MGST3: variants seen among roughly 807,000 people sequenced by gnomAD.
MGST3 encodes the protein glutathione S-transferase 3, mitochondrial.
In MGST3, 13 loss-of-function variants were observed where a neutral mutation model predicts 15.8. The ratio of observed to expected loss-of-function variants is 0.82; its 90% CI spans 0.54 to 1.31. The LOEUF is 1.31. MGST3 is among the 50% of genes most tolerant of loss of function. The pLI, the probability that MGST3 is intolerant of heterozygous loss-of-function variation, is 0.00. For synonymous variants in MGST3, 49 were observed against 68.1 expected, an observed-to-expected ratio of 0.72 and a Z score of 1.38; for missense variants, 155 against 192.4, an observed-to-expected ratio of 0.81 and a Z score of 1.15.
intron 1 of MGST3, among the ~76,000 whole-genome samples, chr1:165,633,120 A>G (rs1647999133): frequency 6.6e-6 from 1 of 152,218 alleles, no homozygotes; most frequent in Non-Finnish European, 1.5e-5. Flanking sequence ...TCAATTTATT[A>G]ATGCTACTGT....
intron 1 of MGST3, chr1:165,646,871 G>C (rs1325854888): frequency 6.6e-6 from 1 of 152,398 alleles, no homozygotes; most frequent in Admixed American, 6.5e-5. Context: ...GAGGTATCAG[G>C]GAGGGCTGTT....
In MGST3 at chr1:165,654,238, G is replaced by C. The variant is rs373163410; in HGVS notation, c.250-41G>C. 819 of 1,594,668 alleles carry C rather than the reference G, an allele frequency of 5.1e-4. 2 individuals are homozygous for C. The highest frequency in any genetic ancestry group is 6.3e-4 in the South Asian group (57 of 90,686). ...CCTAGGTGTTAAAAAAGGTTTGCTT[G>C]TTTCTTTCATGCAAATACTAATGTA... On this transcript the variant is annotated intron_variant, in intron 4 of 5. Coordinates refer to ENST00000367889, the MANE Select transcript of MGST3 (RefSeq NM_004528.4).
At chr1:165,632,329 T>C (rs9333379) in intron 1 of MGST3, 173,574 of 1,592,372 alleles carry the variant, frequency 0.11, 11,256 homozygotes, top group African/African-American at 0.28. Context: ...GATTTTAGAT[T>C]GCTGGTGGGT....
intron 1 of MGST3, chr1:165,646,963 T>G (rs1648421998): frequency 6.6e-6 from 1 of 152,216 alleles, no homozygotes. Context: ...CGGGGGACCC[T>G]CAGGGAGAAC....
intron 5 of MGST3, among the ~76,000 whole-genome samples, chr1:165,654,697 AAAT>A (rs1648661294): frequency 6.6e-6 from 1 of 152,212 alleles, no homozygotes; most frequent in Non-Finnish European, 1.5e-5. Flanking sequence ...TCTCAAAAAA[AAAT>A]AAAATCTTAT....
chr1:165,653,992 C>T (rs1220257503), intron 4 of MGST3: 2 of 425,952 alleles, frequency 4.7e-6, no homozygotes, highest in African/African-American at 2.0e-5. Context: ...GACACAAGTT[C>T]CCCAAGATGC....
intron 1 of MGST3, among the ~76,000 whole-genome samples, chr1:165,648,257 A>G (rs1052485225): frequency 9.9e-5 from 15 of 152,206 alleles, no homozygotes; most frequent in Non-Finnish European, 2.2e-4. Flanking sequence ...CAGCCCCCGG[A>G]GGGGCAGCGG....
chr1:165,655,114 C>T (rs139384818), intron 5 of MGST3, among the ~76,000 whole-genome samples: 161 of 152,256 alleles, frequency 1.1e-3, no homozygotes, highest in Middle Eastern at 0.01. Context: ...GAACTCCTTC[C>T]AAAGGTCCTA....
chr1:165,649,619 C>G, intron 1 of MGST3: 1 of 532,028 alleles, frequency 1.9e-6, no homozygotes, highest in Non-Finnish European at 3.3e-6. Flanking sequence ...AGATACATGA[C>G]TGTATACTTT....
Sources: gnomAD v4.1 joint callset for allele counts (sites outside exome capture counted in the v4.1 genomes callset) on GRCh38, gnomAD v4.1.1 for gene constraint, MANE v1.5 for transcripts, NCBI Gene and HGNC (gene_info 2026-07-23, HGNC 2026-07-21) for gene names.